The following ZNF444 variants were observed in gnomAD, a reference collection of about 807,000 sequenced individuals.
ZNF444 encodes zinc finger protein 444.
In ZNF444, 8 loss-of-function variants were observed where a neutral mutation model predicts 14.4. The observed-to-expected ratio is 0.56, with a 90% CI of 0.33 to 1.00. The LOEUF (loss-of-function observed/expected upper bound fraction) is 1.00. Among genes scored for constraint, ZNF444 ranks in the 50% least tolerant of loss-of-function variants. ZNF444 has a pLI of 0.03. For synonymous variants in ZNF444, 258 were observed against 235.9 expected (o/e 1.09, Z -0.86); for missense variants, 510 against 504.8 (o/e 1.01, Z -0.10).
rs2031137792 is a variant in ZNF444, at chr19:56,145,713, C to T, written c.-196-534C>T. ...AGGTGCTCACCAGAACCCGACAGTG[C>T]TGGCACCCAGATCGCAAATTCCCAG... On this transcript the variant is annotated intron_variant, in intron 1 of 4. Coordinates refer to ENST00000337080, the MANE Select transcript of ZNF444 (RefSeq NM_018337.4). This position sits in a 1 kb window ranked among gnomAD's most constrained non-coding sequence, Gnocchi z 4.3. Among the ~76,000 whole-genome samples the T allele has an allele frequency of 6.6e-6, 1 of 152,244 alleles. No individual in the cohort carries two copies. Among genetic ancestry groups the T allele is most frequent in the Non-Finnish European group, 1.5e-5 (1 of 68,042 alleles).
chr19:56,134,334 G>T (rs1030343156), intron 1 of ZNF444, among the ~76,000 whole-genome samples: 4 of 152,224 alleles, frequency 2.6e-5, no homozygotes, highest in African/African-American at 4.8e-5. Flanking sequence ...CTCAGGCCTG[G>T]GAAGCAGGGT....
At chr19:56,138,611 C>T (rs936823047), upstream of ZNF444, among the ~76,000 whole-genome samples, 1 of 152,036 alleles carries the variant, frequency 6.6e-6, no homozygotes, top group Admixed American at 6.6e-5. Flanking sequence ...CCAGTCTGGC[C>T]AACAGATTCA....
At chr19:56,137,193 T>C (rs1241966947), upstream of ZNF444, among the ~76,000 whole-genome samples, 1 of 149,456 alleles carries the variant, frequency 6.7e-6, no homozygotes, top group East Asian at 2.1e-4. Flanking sequence ...CCATGAGGCC[T>C]GGCGCGGTGG....
upstream of ZNF444, among the ~76,000 whole-genome samples, chr19:56,136,865 T>C (rs1387876644): frequency 6.6e-6 from 1 of 152,068 alleles, no homozygotes; most frequent in Non-Finnish European, 1.5e-5. Flanking sequence ...CACCGCAACC[T>C]CTGCCTCCCG....
rs907356310 is a variant in ZNF444 at position 56,144,391 on chromosome 19, G to A, written c.-196-1856G>A. Among the ~76,000 whole-genome samples the A allele has an allele frequency of 3.9e-5, 6 of 152,158 alleles. No individual in the cohort carries two copies. Among genetic ancestry groups the A allele is most frequent in the Non-Finnish European group, 5.9e-5 (4 of 68,030 alleles). The stretch of plus-strand genomic sequence containing the variant: ...GAGCAGGCAGAGATGAGAAAGTAGG[G>A]CTGGGCTGCATGGTCTCATGGCCAT... On this transcript the variant is annotated intron_variant, in intron 1 of 4. Transcript: ENST00000337080. This position sits in a 1 kb window ranked among gnomAD's most constrained non-coding sequence, Gnocchi z 4.0.
rs1188291712 is a variant in ZNF444 at position 56,145,089 on chromosome 19, A to T, written c.-196-1158A>T. On this transcript the variant is annotated intron_variant, in intron 1 of 4. Transcript: ENST00000337080. This position sits in a 1 kb window ranked among gnomAD's most constrained non-coding sequence, Gnocchi z 4.3. ...GCGTGGATGTGCGCCAGTGAGACTT[A>T]AGTAAAACAGGCTGCAGGCCAGATT... Among the ~76,000 whole-genome samples, 1 of 152,222 alleles carries T rather than the reference A, an allele frequency of 6.6e-6. No homozygotes were observed. The highest frequency in any genetic ancestry group is 1.5e-5 in the Non-Finnish European group (1 of 68,042).
At chr19:56,133,362 C>T (rs1019748262) in intron 1 of ZNF444, among the ~76,000 whole-genome samples, 23 of 151,970 alleles carry the variant, frequency 1.5e-4, no homozygotes, top group East Asian at 1.4e-3. Context: ...CATGAGCCAC[C>T]GCACCTGGCT....
chr19:56,143,382 A>T (rs2030957145), intron 1 of ZNF444: 1 of 152,204 alleles, frequency 6.6e-6, no homozygotes, highest in Admixed American at 6.5e-5. Flanking sequence ...ATTCCTCCTT[A>T]GTCCCAGAGG....
chr19:56,160,484 T>C lies in ZNF444; in HGVS notation c.*283T>C. ...GGGCCTCTCCCTAATGTCTCCTCCT[T>C]CCCCCCTCTTCTCTCTCCTGCGGCC... On this transcript the variant is annotated 3_prime_UTR_variant, in exon 5 of 5. Coordinates refer to ENST00000337080, the MANE Select transcript of ZNF444 (RefSeq NM_018337.4). 3 of 363,266 alleles carry C rather than the reference T, an allele frequency of 8.3e-6. No individual in the cohort carries two copies. Among genetic ancestry groups the C allele is most frequent in the Non-Finnish European group, 9.9e-6 (2 of 202,096 alleles). 22.5% of individuals were successfully genotyped at this position (363,266 alleles called of 1,614,324 possible). A position where few individuals can be genotyped will look rare whatever the true frequency, so the allele number is the denominator to read the frequency against.
chr19:56,137,237 G>T (rs1401469189), upstream of ZNF444, among the ~76,000 whole-genome samples: 3 of 151,060 alleles, frequency 2.0e-5, no homozygotes, highest in African/African-American at 7.3e-5. Context: ...TTGGGAGGCC[G>T]AGGCGGGCGG....
chr19:56,158,213 G>A (rs1380649409), intron 3 of ZNF444: 15 of 298,374 alleles, frequency 5.0e-5, no homozygotes, highest in African/African-American at 4.4e-5. Context: ...TTGGGCACGC[G>A]GACCTGGCCC....
rs1291679465 is a variant in ZNF444 at position 56,144,129 on chromosome 19, T to G, written c.-196-2118T>G. On this transcript the variant is annotated intron_variant, in intron 1 of 4. Transcript: ENST00000337080. The surrounding 1 kb of genome is among the most constrained non-coding windows in gnomAD (Gnocchi z 4.0). Reference sequence around the variant, plus strand: ...TTTGAGACCAGCCTGGGCAATATAGTGAGACCCTGTCTCTACAAAAAATAT... The same window carrying G: ...TTTGAGACCAGCCTGGGCAATATAGGGAGACCCTGTCTCTACAAAAAATAT... Among the ~76,000 whole-genome samples, 1 of 152,030 alleles carries G rather than the reference T, an allele frequency of 6.6e-6. No individual in the cohort carries two copies. Among genetic ancestry groups the G allele is most frequent in the African/African-American group, 2.4e-5 (1 of 41,384 alleles).
chr19:56,150,625 C>T, intron 3 of ZNF444: 1 of 453,602 alleles, frequency 2.2e-6, no homozygotes, highest in Non-Finnish European at 4.4e-6. Context: ...AGCAATGATA[C>T]AACATGGTCT....
chr19:56,148,085 G>A (rs1181177850), intron 3 of ZNF444, among the ~76,000 whole-genome samples: 2 of 152,226 alleles, frequency 1.3e-5, no homozygotes, highest in East Asian at 3.8e-4. Flanking sequence ...CATCTTAAGT[G>A]TTCTAGTCAG....
At position 56,160,034 on chromosome 19, in the gene ZNF444, T is replaced by A; in HGVS notation, c.817T>A (p.Ser273Thr). Residue 273 changes from serine (S) to threonine (T), a missense_variant, in exon 5 of 5, where the codon TCG becomes ACG. Physicochemically the swap from Ser to Thr is moderately conservative, Grantham distance 58. Coordinates refer to ENST00000337080, the MANE Select transcript of ZNF444 (RefSeq NM_018337.4). ...CCTGGTGCGCCACCGCAAGACGCAC[T>A]CGGGAGCGCGGCCCTTTGCCTGCTG... ...EHLVRHRKTH[S>T]GARPFACWEC... 1 of 1,509,334 alleles carries A rather than the reference T, an allele frequency of 6.6e-7. No homozygotes were observed. The highest frequency in any genetic ancestry group is 8.8e-7 in the Non-Finnish European group (1 of 1,134,626). 93.5% of individuals were successfully genotyped at this position (1,509,334 alleles called of 1,614,324 possible). A position where few individuals can be genotyped will look rare whatever the true frequency, so the allele number is the denominator to read the frequency against.
intron 1 of ZNF444, among the ~76,000 whole-genome samples, chr19:56,133,426 C>G (rs1285059476): frequency 6.6e-6 from 1 of 152,110 alleles, no homozygotes. Context: ...ACTCAGGACA[C>G]CTGCTGCTGG....
intron 3 of ZNF444, chr19:56,152,016 A>C (rs1182784999): frequency 2.4e-6 from 1 of 420,750 alleles, no homozygotes; most frequent in East Asian, 7.1e-5. Context: ...AGAAAGCAGT[A>C]GAGCTCACCT....
intron 1 of ZNF444, among the ~76,000 whole-genome samples, chr19:56,132,935 CT>C (rs61365745): frequency 3.8e-4 from 36 of 94,292 alleles, no homozygotes; most frequent in South Asian, 3.6e-3. Context: ...TTCTTTCTTT[CT>C]TTTTTTTTTT....
upstream of ZNF444, among the ~76,000 whole-genome samples, chr19:56,138,292 C>A (rs551753942): frequency 6.6e-6 from 1 of 151,992 alleles, no homozygotes; most frequent in Non-Finnish European, 1.5e-5. Flanking sequence ...AAAACAAATA[C>A]GGTATGATTC....
Sources: allele counts gnomAD v4.1 joint callset (sites outside exome capture counted in the v4.1 genomes callset), GRCh38; gene constraint gnomAD v4.1.1; non-coding constraint Gnocchi (gnomAD v3.1); transcripts MANE v1.5; gene names NCBI Gene and HGNC (gene_info 2026-07-23, HGNC 2026-07-21).